Variants in PGR observed in about 807,000 individuals in gnomAD.
The protein encoded by PGR is progesterone receptor.
Under a neutral mutation model 76.1 loss-of-function variants are expected in PGR, and 25 were observed. The ratio of observed to expected loss-of-function variants is 0.33; its 90% CI spans 0.24 to 0.46. The LOEUF (loss-of-function observed/expected upper bound fraction) is 0.46, where lower values mean the gene tolerates loss of function less well. PGR is among the 20% of genes least tolerant of loss of function. PGR has a pLI of 1.00. For synonymous variants in PGR, 579 were observed against 535.0 expected, an observed-to-expected ratio of 1.08 and a Z score of -1.14; for missense variants, 1,172 against 1,225.3, an observed-to-expected ratio of 0.96 and a Z score of 0.65.
chr11:101,069,448 G>A (rs1289369696), intron 3 of PGR, among the ~76,000 whole-genome samples: 2 of 152,200 alleles, frequency 1.3e-5, no homozygotes, highest in African/African-American at 4.8e-5. Context: ...AGAAGACAGT[G>A]TGATGATTCC....
At chr11:101,093,906 A>T (rs899244270) in intron 2 of PGR, among the ~76,000 whole-genome samples, 1 of 152,202 alleles carries the variant, frequency 6.6e-6, no homozygotes, top group Admixed American at 6.5e-5. Context: ...CATGCTGCTG[A>T]TCTGTCTCAC....
intron 2 of PGR, among the ~76,000 whole-genome samples, chr11:101,121,105 AGAGACCTCAGCTTG>A (rs1417424418): frequency 6.6e-6 from 1 of 152,234 alleles, no homozygotes; most frequent in East Asian, 1.9e-4. Flanking sequence ...TAGTAAACTG[AGAGACCTCAGCTTG>A]AAAAGAAATT....
Position 101,042,020 on chromosome 11 carries a change from A to C in PGR, c.2571T>G (p.Gly857=), listed in dbSNP as rs1475930986. Residue 857 remains glycine, a synonymous_variant, in exon 7 of 8, where the codon GGT becomes GGG. Transcript: ENST00000325455. ...TCGACACAACTCCTTTTTGCCTCAA[A>C]CCAATTGCCTTGATGAGCTCTCTAA... ...SYIRELIKAI[G]LRQKGVVSSS... 1.9e-6 allele frequency: 3 copies of C among 1,613,498 alleles called. No individual in the cohort carries two copies. The highest frequency in any genetic ancestry group is 4.5e-5 in the East Asian group (2 of 44,856).
At chr11:101,100,925 T>A (rs1403455965) in intron 2 of PGR, among the ~76,000 whole-genome samples, 1 of 152,118 alleles carries the variant, frequency 6.6e-6, no homozygotes, top group Non-Finnish European at 1.5e-5. Context: ...ATGATCCCCT[T>A]ACTTTTTCAA....
intron 4 of PGR, among the ~76,000 whole-genome samples, chr11:101,057,900 A>G (rs1041953833): frequency 4.6e-5 from 7 of 152,162 alleles, no homozygotes; most frequent in African/African-American, 1.7e-4. Context: ...GGTCTGGCTA[A>G]TATTATGTAT....
chr11:101,040,407 A>G (rs1859658812), intron 7 of PGR, among the ~76,000 whole-genome samples: 1 of 152,016 alleles, frequency 6.6e-6, no homozygotes, highest in Non-Finnish European at 1.5e-5. Flanking sequence ...ATGTTTTGTT[A>G]TAAGACATCC....
intron 2 of PGR, among the ~76,000 whole-genome samples, chr11:101,097,778 C>CTTT (rs145454653): frequency 2.3e-5 from 3 of 129,794 alleles, no homozygotes; most frequent in African/African-American, 2.8e-5. Flanking sequence ...AAGTGTTACT[C>CTTT]TTTTTTTTTT....
At chr11:101,088,604 TTACAGG>T (rs1328610365) in intron 3 of PGR, among the ~76,000 whole-genome samples, 3 of 152,128 alleles carry the variant, frequency 2.0e-5, no homozygotes, top group African/African-American at 7.2e-5. Context: ...AGTGCTGGGA[TTACAGG>T]CATGAGCCAC....
chr11:101,129,053 T>C lies in PGR; in HGVS notation c.18A>G (p.Ala6=). Residue 6 remains alanine (A), a synonymous_variant, in exon 1 of 8, where the codon GCA becomes GCG. Transcript: ENST00000325455. ...CCACGTGGGGAGCCCGGGGACCCTTTGCCTTCAGCTCAGTCATGACGACTG... is the reference window on the plus strand; with the variant it reads ...CCACGTGGGGAGCCCGGGGACCCTTCGCCTTCAGCTCAGTCATGACGACTG... MTELK[A]KGPRAPHVAG... 1.3e-6 allele frequency: 2 copies of C among 1,554,820 alleles called. No homozygotes were observed. The highest frequency in any genetic ancestry group is 1.2e-5 in the South Asian group (1 of 84,218).
chr11:101,073,418 A>G (rs1396810118), intron 3 of PGR, among the ~76,000 whole-genome samples: 1 of 152,200 alleles, frequency 6.6e-6, no homozygotes, highest in Non-Finnish European at 1.5e-5. Flanking sequence ...AATTAAAAGA[A>G]CTAGCGAAGC....
In PGR at chr11:101,113,666, C is replaced by T. The variant is rs145563405; in HGVS notation, c.1789+12341G>A. 3.4e-4 allele frequency among the ~76,000 whole-genome samples: 52 copies of T among 152,220 alleles called. No homozygotes were observed. In the East Asian group the frequency reaches 9.1e-3, roughly 27 times the overall value. ...ATCCTTTTATAAAGGAAAATGTAAA[C>T]AGCAAAAATTTACTTAAGGGTTGGG... On this transcript the variant is annotated intron_variant, in intron 2 of 7. Transcript: ENST00000325455.
intron 2 of PGR, among the ~76,000 whole-genome samples, chr11:101,117,159 A>G (rs1862537207): frequency 6.6e-6 from 1 of 152,180 alleles, no homozygotes; most frequent in African/African-American, 2.4e-5. Context: ...AATTGACAAT[A>G]CCAAACTATC....
At chr11:101,084,887 G>A (rs572943) in intron 3 of PGR, among the ~76,000 whole-genome samples, 20,567 of 152,034 alleles carry the variant, frequency 0.14, 1,456 homozygotes, top group East Asian at 0.23. Flanking sequence ...AGGGCATAAC[G>A]ATAAAGAGTT....
chr11:101,039,191 C>T lies in PGR; in HGVS notation c.2727G>A (p.Met909Ile). The T allele has an allele frequency of 1.2e-6, 2 of 1,611,392 alleles. No homozygotes were observed. Among genetic ancestry groups the T allele is most frequent in the South Asian group, 1.1e-5 (1 of 91,000 alleles). ...GTAATTGTGCAGCAATAACTTCAGA[C>T]ATCATTTCTGGAAATTCAACACTCA... is the stretch of plus-strand genomic sequence containing the variant. The part of the protein sequence containing the change: ...RALSVEFPEM[M>I]SEVIAAQLPK... The change falls in exon 8 of 8, where the codon ATG (methionine) becomes ATA (isoleucine). Residue 909 changes from methionine to isoleucine, a missense_variant. By Grantham distance (10) the Met-to-Ile change is conservative (BLOSUM62 1). Coordinates refer to ENST00000325455, the MANE Select transcript of PGR (RefSeq NM_000926.4).
Position 101,128,073 on chromosome 11 carries a change from G to A in PGR, c.998C>T (p.Ala333Val). Reference sequence around the variant, plus strand: ...CGGGGCAAAGGCGCTGGCAGCCCCGGCCCCGCCGTCGTAACTTTCGTCTTC... The same window carrying A: ...CGGGGCAAAGGCGCTGGCAGCCCCGACCCCGCCGTCGTAACTTTCGTCTTC... ...LLEDESYDGG[A>V]GAASAFAPPR... The change falls in exon 1 of 8, where the codon GCC becomes GTC. Residue 333 changes from alanine to valine, a missense_variant. Physicochemically the swap from Ala to Val is moderately conservative, Grantham distance 64. Coordinates refer to ENST00000325455, the MANE Select transcript of PGR (RefSeq NM_000926.4). 6 of 1,600,104 alleles carry A rather than the reference G, an allele frequency of 3.7e-6. No individual in the cohort carries two copies. Among genetic ancestry groups the A allele is most frequent in the Non-Finnish European group, 5.1e-6 (6 of 1,179,278 alleles).
At position 101,034,022 on chromosome 11, in the gene PGR, C is replaced by T. The variant is rs77670692; in HGVS notation, c.*5094G>A. The T allele has an allele frequency of 9.0e-4, 208 of 230,704 alleles. 3 individuals carry two copies. The East Asian group carries it at 0.011, about 12-fold the overall frequency. The allele number at this position is 230,704 out of a possible 1,614,324, so 14.3% of individuals were successfully genotyped here. On this transcript the variant is annotated 3_prime_UTR_variant, in exon 8 of 8. Coordinates refer to ENST00000325455, the MANE Select transcript of PGR (RefSeq NM_000926.4). ...CCGAATATTGACCAGGACACTAATG[C>T]CACACTGCAGAGTTAATAATCTGTG...
At chr11:101,079,180 A>G (rs1458685898) in intron 3 of PGR, among the ~76,000 whole-genome samples, 1 of 152,152 alleles carries the variant, frequency 6.6e-6, no homozygotes, top group African/African-American at 2.4e-5. Flanking sequence ...CAAAACTACT[A>G]CAAGAAAACT....
intron 3 of PGR, chr11:101,063,037 G>C (rs1860572750): frequency 6.7e-6 from 2 of 298,496 alleles, no homozygotes; most frequent in Non-Finnish European, 1.3e-5. Context: ...TATTCTGCAG[G>C]GGTCATGGAG....
At chr11:101,069,880 G>A (rs1242369108) in intron 3 of PGR, among the ~76,000 whole-genome samples, 1 of 151,968 alleles carries the variant, frequency 6.6e-6, no homozygotes, top group African/African-American at 2.4e-5. Context: ...GGGAGGGATA[G>A]CACTAGTAGA....
Sources: allele counts gnomAD v4.1 joint callset (sites outside exome capture counted in the v4.1 genomes callset), GRCh38; gene constraint gnomAD v4.1.1; transcripts MANE v1.5; gene names NCBI Gene and HGNC (gene_info 2026-07-23, HGNC 2026-07-21).